The following SMUG1 variants were observed in gnomAD, a reference collection of about 807,000 sequenced individuals.
SMUG1 encodes single-strand-selective monofunctional uracil-DNA glycosylase 1.
Under a neutral mutation model 23.9 loss-of-function variants are expected in SMUG1, and 13 were observed. The observed-to-expected ratio is 0.54, with a 90% CI of 0.35 to 0.86. The LOEUF (loss-of-function observed/expected upper bound fraction) is 0.86, where lower values mean the gene tolerates loss of function less well. Ranked by LOEUF, SMUG1 falls within the 40% of genes least tolerant of loss-of-function variation. The pLI, the probability that SMUG1 is intolerant of heterozygous loss-of-function variation, is 0.01. For missense variants in SMUG1, 313 were observed against 339.5 expected, an observed-to-expected ratio of 0.92 and a Z score of 0.61; for synonymous variants, 133 against 139.8, an observed-to-expected ratio of 0.95 and a Z score of 0.34.
chr12:54,175,519 T>C (rs910679536), downstream of SMUG1, among the ~76,000 whole-genome samples: 4 of 152,184 alleles, frequency 2.6e-5, no homozygotes, highest in Non-Finnish European at 5.9e-5. Context: ...ATCCACTCCA[T>C]GGAGGTGGTA....
At chr12:54,160,751 C>T (rs903888744), downstream of SMUG1, among the ~76,000 whole-genome samples, 6 of 152,226 alleles carry the variant, frequency 3.9e-5, no homozygotes, top group Non-Finnish European at 1.5e-5. Context: ...AGTAGTCTCA[C>T]TGTGACCTTT....
intron 1 of SMUG1, chr12:54,188,522 G>A (rs1943089138): frequency 2.6e-5 from 4 of 152,178 alleles, no homozygotes; most frequent in African/African-American, 7.2e-5. Flanking sequence ...TACTCGGGAG[G>A]CTGAGGCAGA....
chr12:54,176,121 G>T (rs1417149670), downstream of SMUG1, among the ~76,000 whole-genome samples: 1 of 152,170 alleles, frequency 6.6e-6, no homozygotes, highest in African/African-American at 2.4e-5. Flanking sequence ...AGCTACTCAG[G>T]AGGCTGAGGC....
intron 3 of SMUG1, among the ~76,000 whole-genome samples, chr12:54,169,246 C>T (rs1051562102): frequency 1.3e-5 from 2 of 152,016 alleles, no homozygotes; most frequent in Non-Finnish European, 2.9e-5. Flanking sequence ...TAGGGGGACA[C>T]GCAGGGGAGA....
chr12:54,167,050 C>A (rs985869188), intron 3 of SMUG1, among the ~76,000 whole-genome samples: 8 of 152,154 alleles, frequency 5.3e-5, no homozygotes, highest in Non-Finnish European at 7.4e-5. Flanking sequence ...CCTAGGGCCC[C>A]CGCTCCAAGG....
At position 54,182,564 on chromosome 12, in the gene SMUG1, C is replaced by T. The variant is rs1941355098; in HGVS notation, c.345G>A (p.Leu115=). ...GTTTAGGATGCTCTTGGGGAGGGGT[C>T]AGCACAGGCCCCACAATGCCCAACC... ...RDWLGIVGPV[L]TPPQEHPKRP... Residue 115 remains leucine, a synonymous_variant, in exon 4 of 4, where the codon CTG becomes CTA. Coordinates refer to ENST00000682136, the MANE Select transcript of SMUG1 (RefSeq NM_001243787.2). The T allele has an allele frequency of 1.2e-6, 2 of 1,614,152 alleles. No homozygotes were observed. Among genetic ancestry groups the T allele is most frequent in the Non-Finnish European group, 1.7e-6 (2 of 1,180,024 alleles).
chr12:54,180,853 T>G lies in SMUG1; in HGVS notation c.*1243A>C, dbSNP rs1940955523. 1 of 152,126 alleles carries G rather than the reference T, an allele frequency of 6.6e-6. No homozygotes were observed. The highest frequency in any genetic ancestry group is 6.5e-5 in the Admixed American group (1 of 15,272). The allele number at this position is 152,126 out of a possible 1,614,324, so 9.4% of individuals were successfully genotyped here. ...AAATACAAAAATTAGCCAGGCGTGGTGGCACATGCCTGTAATTCCAGCTAT... is the reference window on the plus strand; with the variant it reads ...AAATACAAAAATTAGCCAGGCGTGGGGGCACATGCCTGTAATTCCAGCTAT... On this transcript the variant is annotated 3_prime_UTR_variant, in exon 4 of 4. Coordinates refer to ENST00000682136, the MANE Select transcript of SMUG1 (RefSeq NM_001243787.2).
At position 54,181,963 on chromosome 12, in the gene SMUG1, AAAG is replaced by A; in HGVS notation, c.*130_*132del. 6.7e-7 allele frequency: 1 copy of A among 1,499,000 alleles called. No homozygotes were observed. The highest frequency in any genetic ancestry group is 8.9e-7 in the Non-Finnish European group (1 of 1,127,036). 92.9% of individuals were successfully genotyped at this position (1,499,000 alleles called of 1,614,324 possible). A position where few individuals can be genotyped will look rare whatever the true frequency, so the allele number is the denominator to read the frequency against. Reference sequence around the variant, plus strand: ...AGGTTGGAAGACAGTTCAACAGATCAAAGAATACGTTTCCCAGCGACCAGGGTG... The same window carrying A: ...AGGTTGGAAGACAGTTCAACAGATCAAATACGTTTCCCAGCGACCAGGGTG... On this transcript the variant is annotated 3_prime_UTR_variant, in exon 4 of 4. Transcript: ENST00000682136.
At chr12:54,185,281 G>A (rs1167262719) in intron 2 of SMUG1, among the ~76,000 whole-genome samples, 2 of 151,164 alleles carry the variant, frequency 1.3e-5, no homozygotes, top group African/African-American at 4.9e-5. Context: ...CTCCAGCACG[G>A]GCAACAACAG....
At chr12:54,164,025 G>A (rs982524612), downstream of SMUG1, among the ~76,000 whole-genome samples, 1 of 152,156 alleles carries the variant, frequency 6.6e-6, no homozygotes, top group African/African-American at 2.4e-5. Context: ...AGAAGGGGAG[G>A]AAGGCAGGAG....
At chr12:54,167,644 C>G (rs1191767336) in intron 3 of SMUG1, among the ~76,000 whole-genome samples, 1 of 152,154 alleles carries the variant, frequency 6.6e-6, no homozygotes, top group African/African-American at 2.4e-5. Context: ...AATAGGCATG[C>G]AAAGCCCTCC....
At chr12:54,184,935 G>A (rs921896220) in intron 2 of SMUG1, among the ~76,000 whole-genome samples, 2 of 152,042 alleles carry the variant, frequency 1.3e-5, no homozygotes, top group African/African-American at 2.4e-5. Flanking sequence ...AGGCCAAGGC[G>A]GCTGAATCAC....
rs1394021724 is a variant in SMUG1 at position 54,184,150 on chromosome 12, C to T, written c.-19-191G>A. On this transcript the variant is annotated intron_variant, in intron 2 of 3. Coordinates refer to ENST00000682136, the MANE Select transcript of SMUG1 (RefSeq NM_001243787.2). The stretch of plus-strand genomic sequence containing the variant: ...TTGGTAATGAAGGGCCCTTTCCCTC[C>T]CCACTTCCATTATCTGTCCTCTTCA... 2.4e-5 allele frequency: 11 copies of T among 467,394 alleles called. No homozygotes were observed. The East Asian group carries it at 3.6e-4, about 15-fold the overall frequency. The allele number at this position is 467,394 out of a possible 1,614,324, so 29.0% of individuals were successfully genotyped here. A position where few individuals can be genotyped will look rare whatever the true frequency, so the allele number is the denominator to read the frequency against.
chr12:54,172,121 C>T (rs958760730), intron 2 of SMUG1: 1 of 453,526 alleles, frequency 2.2e-6, no homozygotes, highest in Non-Finnish European at 4.5e-6. Flanking sequence ...TGTAAAAAGA[C>T]AAGGCAGATC....
chr12:54,183,435 A>G, intron 3 of SMUG1: 1 of 584,242 alleles, frequency 1.7e-6, no homozygotes. Flanking sequence ...GCCAGCTCAC[A>G]GGGAAAACGA....
chr12:54,167,879 T>C lies in SMUG1; in HGVS notation c.*53-2401A>G, dbSNP rs889399529. On this transcript the variant is annotated intron_variant and NMD_transcript_variant, in intron 3 of 4. Coordinates refer to the SMUG1 transcript ENST00000509864. ...CAGATTTAAATCCCAACTTCTTTTA[T>C]TCATGCAAGATGTCTGCCTCCACTA... is the stretch of plus-strand genomic sequence containing the variant. Among the ~76,000 whole-genome samples the C allele has an allele frequency of 7.2e-5, 11 of 152,240 alleles. 1 individual carries two copies. Among genetic ancestry groups the C allele is most frequent in the Admixed American group, 7.2e-4 (11 of 15,282 alleles).
At chr12:54,180,147 A>G (rs1271832265), downstream of SMUG1, among the ~76,000 whole-genome samples, 1 of 152,208 alleles carries the variant, frequency 6.6e-6, no homozygotes, top group Non-Finnish European at 1.5e-5. Flanking sequence ...CCCTGTAACT[A>G]TATGGTTGGT....
downstream of SMUG1, chr12:54,164,701 C>G (rs908046988): frequency 6.6e-6 from 1 of 152,342 alleles, no homozygotes; most frequent in African/African-American, 2.4e-5. Flanking sequence ...AAACAGTCCC[C>G]AAAGCAGAAC....
At chr12:54,183,099 T>C (rs140840678) in intron 3 of SMUG1, 190 of 183,452 alleles carry the variant, frequency 1.0e-3, no homozygotes, top group African/African-American at 3.9e-3. Context: ...ATAAAAGCGA[T>C]TGAGCCTTCT....
Sources: gnomAD v4.1 joint callset for allele counts (sites outside exome capture counted in the v4.1 genomes callset) on GRCh38, gnomAD v4.1.1 for gene constraint, MANE v1.5 for transcripts, NCBI Gene and HGNC (gene_info 2026-07-23, HGNC 2026-07-21) for gene names.